AMMECR1: variants seen among roughly 807,000 people sequenced by gnomAD.
AMMECR1 encodes nuclear protein AMMECR1.
AMMECR1 carries 3 observed loss-of-function variants against 22.5 expected under a neutral mutation model. The ratio of observed to expected loss-of-function variants is 0.13; its 90% confidence interval spans 0.06 to 0.35. AMMECR1 has a LOEUF of 0.35. Among genes scored for constraint, AMMECR1 ranks in the 10% least tolerant of loss-of-function variants. The probability of loss-of-function intolerance (pLI) is 1.00; values close to 1 mark genes in which losing one functional copy is unlikely to be tolerated. For synonymous variants in AMMECR1, 130 were observed against 116.7 expected (o/e 1.11, Z -0.74); for missense variants, 235 against 278.7 (o/e 0.84, Z 1.12).
intron 2 of AMMECR1, among the ~76,000 whole-genome samples, chrX:110,377,906 G>A (rs754493459): frequency 8.0e-4 from 85 of 106,052 alleles, no homozygotes; most frequent in African/African-American, 2.7e-3. Flanking sequence ...CTACTCGGGA[G>A]GCTGAGGCAG....
chrX:110,242,938 C>A (rs769834174), intron 2 of AMMECR1, among the ~76,000 whole-genome samples: 1 of 112,234 alleles, frequency 8.9e-6, no homozygotes, highest in Non-Finnish European at 1.9e-5. Context: ...CATTAAAATA[C>A]ATGTTTACAA....
intron 1 of AMMECR1, among the ~76,000 whole-genome samples, chrX:110,292,490 C>A (rs1424563946): frequency 8.9e-6 from 1 of 112,069 alleles, no homozygotes; most frequent in Non-Finnish European, 1.9e-5. Context: ...AATGAATAAA[C>A]AAACTATAGT....
At chrX:110,336,248 T>C (rs920502839) in intron 2 of AMMECR1, among the ~76,000 whole-genome samples, 2 of 111,968 alleles carry the variant, frequency 1.8e-5, no homozygotes, top group Non-Finnish European at 1.9e-5. Flanking sequence ...AGGTGTTTCA[T>C]TGCATGTCAA....
rs771282005 is a variant in AMMECR1 at position 110,317,865 on chromosome X, G to A, written c.207C>T (p.Thr69=). 6 of 1,177,506 alleles carry A rather than the reference G, an allele frequency of 5.1e-6. No individual in the cohort carries two copies. Among genetic ancestry groups the A allele is most frequent in the South Asian group, 1.9e-5 (1 of 52,047 alleles). ...CGCCGCAGCCCTGGGGGGGAGAGAGGGTACAGCCGCTGCCGCTACCTCCTC... is the reference window on the plus strand; with the variant it reads ...CGCCGCAGCCCTGGGGGGGAGAGAGAGTACAGCCGCTGCCGCTACCTCCTC... The part of the protein sequence containing the change: ...LTGGGSGSGC[T]LSPPQGCGGG... Residue 69 remains threonine, a synonymous_variant, in exon 1 of 6, where the codon ACC becomes ACT. Transcript: ENST00000262844.
intron 2 of AMMECR1, among the ~76,000 whole-genome samples, chrX:110,416,451 A>G: frequency 8.9e-6 from 1 of 112,035 alleles, no homozygotes; most frequent in East Asian, 2.8e-4. Flanking sequence ...TATTAATATC[A>G]TATGACAGGT....
intron 2 of AMMECR1, among the ~76,000 whole-genome samples, chrX:110,409,788 A>G (rs185461157): frequency 9.0e-6 from 1 of 111,489 alleles, no homozygotes; most frequent in East Asian, 2.8e-4. Context: ...ATGGGCTCCC[A>G]CTTAGCAAGA....
At chrX:110,282,636 T>G (rs1179835153) in intron 1 of AMMECR1, among the ~76,000 whole-genome samples, 3 of 111,752 alleles carry the variant, frequency 2.7e-5, no homozygotes, top group Non-Finnish European at 5.6e-5. Flanking sequence ...GTAGGGATAC[T>G]CTGAGATTAT....
chrX:110,388,184 A>G (rs957935196), intron 2 of AMMECR1, among the ~76,000 whole-genome samples: 1 of 111,521 alleles, frequency 9.0e-6, no homozygotes, highest in African/African-American at 3.3e-5. Flanking sequence ...TCTCTCTTAA[A>G]TGACATTGTA....
rs180855675 is a variant in AMMECR1 at position 110,266,203 on chromosome X, A to G, written c.474-1604T>C. ...TGCTCCATTTGGGAATTTTTCTCCAATTGTTCTTGACTAACCACTGATCAG... is the reference window on the plus strand; with the variant it reads ...TGCTCCATTTGGGAATTTTTCTCCAGTTGTTCTTGACTAACCACTGATCAG... On this transcript the variant is annotated intron_variant, in intron 1 of 5. Coordinates refer to ENST00000262844, the MANE Select transcript of AMMECR1 (RefSeq NM_015365.3). 1.8e-3 allele frequency among the ~76,000 whole-genome samples: 202 copies of G among 110,335 alleles called. 1 individual carries two copies. The highest frequency in any genetic ancestry group is 6.3e-3 in the African/African-American group (191 of 30,298).
chrX:110,360,285 A>G (rs1190115871), intron 2 of AMMECR1, among the ~76,000 whole-genome samples: 2 of 111,890 alleles, frequency 1.8e-5, no homozygotes, highest in Admixed American at 9.5e-5. Context: ...TTGGAAAGAA[A>G]AGTTATGGGC....
At chrX:110,388,401 G>T (rs746862028) in intron 2 of AMMECR1, among the ~76,000 whole-genome samples, 2 of 111,746 alleles carry the variant, frequency 1.8e-5, no homozygotes, top group African/African-American at 6.5e-5. Flanking sequence ...GTACCTTTAA[G>T]AAGTCTCAGC....
chrX:110,248,183 G>C (rs1232887946), intron 2 of AMMECR1, among the ~76,000 whole-genome samples: 1 of 110,618 alleles, frequency 9.0e-6, no homozygotes, highest in Admixed American at 9.6e-5. Flanking sequence ...CCTAGAGTTT[G>C]AGACCAGCCT....
chrX:110,280,230 T>C (rs766151844), intron 1 of AMMECR1, among the ~76,000 whole-genome samples: 1 of 111,490 alleles, frequency 9.0e-6, no homozygotes, highest in South Asian at 3.7e-4. Flanking sequence ...GGGCCAAGAT[T>C]TGGACCCAGG....
intron 2 of AMMECR1, among the ~76,000 whole-genome samples, chrX:110,386,630 T>G (rs1423660312): frequency 9.0e-6 from 1 of 111,050 alleles, no homozygotes; most frequent in Non-Finnish European, 1.9e-5. Context: ...TTCTGTGTAA[T>G]TTTTTTTCAT....
chrX:110,251,909 A>G (rs2067688182), intron 2 of AMMECR1, among the ~76,000 whole-genome samples: 1 of 112,008 alleles, frequency 8.9e-6, no homozygotes, highest in Non-Finnish European at 1.9e-5. Context: ...TGTCCAAGAG[A>G]AAAAGAAAAA....
At chrX:110,294,052 C>CA (rs1262737917) in intron 1 of AMMECR1, among the ~76,000 whole-genome samples, 1 of 111,817 alleles carries the variant, frequency 8.9e-6, no homozygotes, top group Non-Finnish European at 1.9e-5. Context: ...GAAGACAGTT[C>CA]ATTTAATTAA....
chrX:110,396,534 C>G (rs998249020), intron 2 of AMMECR1, among the ~76,000 whole-genome samples: 15 of 112,296 alleles, frequency 1.3e-4, no homozygotes, highest in African/African-American at 4.9e-4. Flanking sequence ...CAGTCCCCAA[C>G]AGGAAGCATT....
chrX:110,242,196 C>A (rs915059461), intron 2 of AMMECR1, among the ~76,000 whole-genome samples: 3 of 111,529 alleles, frequency 2.7e-5, no homozygotes, highest in African/African-American at 9.8e-5. Context: ...TGATAAGACT[C>A]CTCCTTTACA....
chrX:110,288,172 T>G lies in AMMECR1; in HGVS notation c.474-23573A>C, dbSNP rs187186188. 1.1e-4 allele frequency among the ~76,000 whole-genome samples: 12 copies of G among 111,731 alleles called. No homozygotes were observed. In the East Asian group the frequency reaches 2.0e-3, roughly 18 times the overall value. ...GTATCTGTGACTTGGAGCCATCAGATAGCATAAATCAAAAAGAGTAAAGGA... is the reference window on the plus strand; with the variant it reads ...GTATCTGTGACTTGGAGCCATCAGAGAGCATAAATCAAAAAGAGTAAAGGA... On this transcript the variant is annotated intron_variant, in intron 1 of 5. Coordinates refer to ENST00000262844, the MANE Select transcript of AMMECR1 (RefSeq NM_015365.3).
Sources: allele counts gnomAD v4.1 joint callset (sites outside exome capture counted in the v4.1 genomes callset), GRCh38; gene constraint gnomAD v4.1.1; transcripts MANE v1.5; gene names NCBI Gene and HGNC (gene_info 2026-07-23, HGNC 2026-07-21).